PXDN: variants seen among roughly 807,000 people sequenced by gnomAD.
PXDN encodes peroxidasin homolog.
A neutral mutation model predicts 140.3 loss-of-function variants in PXDN; 77 were observed. That is an observed-to-expected ratio of 0.55 (90% CI 0.46 to 0.66). The LOEUF is 0.66. Among genes scored for constraint, PXDN ranks in the 30% least tolerant of loss-of-function variants. The pLI is 0.00. For synonymous variants in PXDN, 911 were observed against 857.4 expected (o/e 1.06, Z -1.09); for missense variants, 1,838 against 2,039.5 (o/e 0.90, Z 1.90).
At chr2:1,710,778 TCTCCACCA>T (rs1684745771) in intron 1 of PXDN, among the ~76,000 whole-genome samples, 1 of 29,262 alleles carries the variant, frequency 3.4e-5, no homozygotes, top group Admixed American at 3.9e-4. Flanking sequence ...CAGCACCCAC[TCTCCACCA>T]GCACCCACTC....
intron 6 of PXDN, among the ~76,000 whole-genome samples, chr2:1,681,048 AG>A (rs1188713104): frequency 1.3e-5 from 2 of 152,162 alleles, no homozygotes; most frequent in African/African-American, 4.8e-5. Flanking sequence ...AGTTCCAGGT[AG>A]CAAACACAGG....
intron 17 of PXDN, among the ~76,000 whole-genome samples, chr2:1,647,130 G>A (rs959976599): frequency 1.3e-5 from 2 of 151,944 alleles, no homozygotes; most frequent in African/African-American, 2.4e-5. Context: ...TCCTGACCTC[G>A]TGATCCACTC....
At chr2:1,681,281 T>A (rs1479542193) in intron 6 of PXDN, among the ~76,000 whole-genome samples, 1 of 152,022 alleles carries the variant, frequency 6.6e-6, no homozygotes, top group East Asian at 1.9e-4. Context: ...AAACACACTA[T>A]CTTGCTTTGC....
intron 19 of PXDN, among the ~76,000 whole-genome samples, chr2:1,640,580 C>T (rs534596184): frequency 6.6e-6 from 1 of 152,366 alleles, no homozygotes; most frequent in East Asian, 1.9e-4. Context: ...GTTAACTATA[C>T]AGCTTCTGAG....
Position 1,658,669 on chromosome 2 carries a change from G to A in PXDN, c.1837+2212C>T, listed in dbSNP as rs112683270. 5.2e-4 allele frequency among the ~76,000 whole-genome samples: 79 copies of A among 152,074 alleles called. No homozygotes were observed. In the Middle Eastern group the frequency reaches 0.01, roughly 20 times the overall value. On this transcript the variant is annotated intron_variant, in intron 14 of 22. Transcript: ENST00000252804. ...CCTCTGCTGGGAACTTCCTCATGGC[G>A]TCCCGGTATGTCTGCAAGGACAGTC...
rs940498832 is a variant in PXDN at position 1,685,667 on chromosome 2, C to A, written c.417-1516G>T. 2.9e-4 allele frequency among the ~76,000 whole-genome samples: 44 copies of A among 152,176 alleles called. No homozygotes were observed. The highest frequency in any genetic ancestry group is 2.8e-3 in the Admixed American group (43 of 15,300). On this transcript the variant is annotated intron_variant, in intron 4 of 22. Transcript: ENST00000252804. This position sits in a 1 kb window ranked among gnomAD's most constrained non-coding sequence, Gnocchi z 5.1. ...CACGGAGAGCGATGGGTGTAAAAATCCCTCCACCCAGACTGCAATGCAGGT... is the reference window on the plus strand; with the variant it reads ...CACGGAGAGCGATGGGTGTAAAAATACCTCCACCCAGACTGCAATGCAGGT...
chr2:1,735,682 T>A (rs1685412061), intron 1 of PXDN, among the ~76,000 whole-genome samples: 1 of 152,138 alleles, frequency 6.6e-6, no homozygotes, highest in South Asian at 2.1e-4. Flanking sequence ...AGAAACACAG[T>A]AGATTTGGCA....
At position 1,649,779 on chromosome 2, in the gene PXDN, C is replaced by G. The variant is rs955362522; in HGVS notation, c.2105-104G>C. On this transcript the variant is annotated intron_variant, in intron 16 of 22. Transcript: ENST00000252804. This position sits in a 1 kb window ranked among gnomAD's most constrained non-coding sequence, Gnocchi z 7.1. ...CCGCTGACATGGGGCTATCTACCCC[C>G]AGCTCATGAAACCTGTTGTGCGCCA... is the stretch of plus-strand genomic sequence containing the variant. The G allele has an allele frequency of 1.1e-5, 14 of 1,319,690 alleles. No individual in the cohort carries two copies. Among genetic ancestry groups the G allele is most frequent in the Admixed American group, 1.9e-5 (1 of 53,344 alleles). The allele number at this position is 1,319,690 out of a possible 1,614,324, so 81.7% of individuals were successfully genotyped here. A position where few individuals can be genotyped will look rare whatever the true frequency, so the allele number is the denominator to read the frequency against.
intron 19 of PXDN, among the ~76,000 whole-genome samples, chr2:1,641,178 T>C (rs1384969587): frequency 6.6e-6 from 1 of 152,150 alleles, no homozygotes; most frequent in Admixed American, 6.5e-5. Flanking sequence ...TTTGAGACAG[T>C]TTCACTCTTG....
At chr2:1,659,801 A>C (rs1000929547) in intron 14 of PXDN, among the ~76,000 whole-genome samples, 1 of 152,204 alleles carries the variant, frequency 6.6e-6, no homozygotes, top group Non-Finnish European at 1.5e-5. Flanking sequence ...ACTTTTCCTA[A>C]ATAATTCTTA....
intron 1 of PXDN, among the ~76,000 whole-genome samples, chr2:1,705,370 G>A (rs940848040): frequency 3.9e-5 from 6 of 151,988 alleles, no homozygotes; most frequent in Non-Finnish European, 7.4e-5. Context: ...GGCTCCCCAC[G>A]ACCTGGGATG....
In PXDN at chr2:1,687,078, G is replaced by A. The variant is rs1410112956; in HGVS notation, c.416+554C>T. On this transcript the variant is annotated intron_variant, in intron 4 of 22. Transcript: ENST00000252804. The surrounding 1 kb of genome is among the most constrained non-coding windows in gnomAD (Gnocchi z 4.0). Reference sequence around the variant, plus strand: ...ACTTCACAGCAAAGTACGACTTCACGTTGGCCAAAGAAACTAAGAGCGTTT... The same window carrying A: ...ACTTCACAGCAAAGTACGACTTCACATTGGCCAAAGAAACTAAGAGCGTTT... Among the ~76,000 whole-genome samples the A allele has an allele frequency of 1.3e-5, 2 of 152,182 alleles. No homozygotes were observed. The highest frequency in any genetic ancestry group is 2.4e-5 in the African/African-American group (1 of 41,444).
chr2:1,689,065 C>T (rs1684128343), intron 3 of PXDN, among the ~76,000 whole-genome samples: 1 of 152,144 alleles, frequency 6.6e-6, no homozygotes, highest in East Asian at 1.9e-4. Context: ...ACCGAGAGCC[C>T]AGTGCCCGCA....
At position 1,648,136 on chromosome 2, in the gene PXDN, G is replaced by GC. The variant is rs766728961; in HGVS notation, c.3608+35_3608+36insG. 1.6e-5 allele frequency: 25 copies of GC among 1,591,874 alleles called. No individual in the cohort carries two copies. The highest frequency in any genetic ancestry group is 8.5e-5 in the Admixed American group (5 of 59,114). On this transcript the variant is annotated intron_variant, in intron 17 of 22. Coordinates refer to ENST00000252804, the MANE Select transcript of PXDN (RefSeq NM_012293.3). The surrounding 1 kb of genome is among the most constrained non-coding windows in gnomAD (Gnocchi z 8.9). ...CAGTTCAGGTGTTCCAGGTGCCTAG[G>GC]TACACGAGCCATCCCACACAGCCTC...
intron 1 of PXDN, among the ~76,000 whole-genome samples, chr2:1,725,529 T>A (rs201772957): frequency 1.3e-5 from 2 of 152,040 alleles, no homozygotes; most frequent in Non-Finnish European, 2.9e-5. Context: ...AAGGACTTCA[T>A]GTCTAAAACA....
At chr2:1,742,349 T>G (rs1015302401) in intron 1 of PXDN, among the ~76,000 whole-genome samples, 1 of 152,194 alleles carries the variant, frequency 6.6e-6, no homozygotes, top group African/African-American at 2.4e-5. Context: ...CACTGAAGAC[T>G]GCAAAAACCC....
chr2:1,642,685 T>C (rs1214422837), intron 19 of PXDN, among the ~76,000 whole-genome samples: 1 of 152,220 alleles, frequency 6.6e-6, no homozygotes, highest in East Asian at 1.9e-4. Flanking sequence ...GTAATGGAAA[T>C]GGAGGTTAAC....
chr2:1,710,398 A>C (rs1684722977), intron 1 of PXDN, among the ~76,000 whole-genome samples: 1 of 152,150 alleles, frequency 6.6e-6, no homozygotes, highest in African/African-American at 2.4e-5. Flanking sequence ...AGACAGCAGC[A>C]CACGGTGGTG....
At chr2:1,636,427 T>G (rs1455279879) in intron 21 of PXDN, 1 of 152,400 alleles carries the variant, frequency 6.6e-6, no homozygotes, top group Non-Finnish European at 1.5e-5. Flanking sequence ...CTGTCAGCCA[T>G]AAGTGTGTGG....
Sources: allele counts gnomAD v4.1 joint callset (sites outside exome capture counted in the v4.1 genomes callset), GRCh38; gene constraint gnomAD v4.1.1; non-coding constraint Gnocchi (gnomAD v3.1); transcripts MANE v1.5; gene names NCBI Gene and HGNC (gene_info 2026-07-23, HGNC 2026-07-21).